The following GALNTL6 variants were observed in gnomAD, a reference collection of about 807,000 sequenced individuals.
GALNTL6 encodes polypeptide N-acetylgalactosaminyltransferase-like 6.
Under a neutral mutation model 73.7 loss-of-function variants are expected in GALNTL6, and 46 were observed. That is an observed-to-expected ratio of 0.62 (90% CI 0.49 to 0.80). GALNTL6 has a LOEUF of 0.80. Ranked by LOEUF, GALNTL6 falls within the 30% of genes least tolerant of loss-of-function variation. GALNTL6 has a pLI of 0.00. For missense variants in GALNTL6, 604 were observed against 755.0 expected, an observed-to-expected ratio of 0.80 and a Z score of 2.34; for synonymous variants, 259 against 263.7, an observed-to-expected ratio of 0.98 and a Z score of 0.17.
At chr4:171,958,467 A>T (rs749566638) in intron 2 of GALNTL6, among the ~76,000 whole-genome samples, 4 of 152,184 alleles carry the variant, frequency 2.6e-5, no homozygotes, top group Non-Finnish European at 5.9e-5. Context: ...ATCAATAAGT[A>T]TATTTTAAAA....
At chr4:172,634,113 T>C (rs1739536239) in intron 5 of GALNTL6, among the ~76,000 whole-genome samples, 1 of 152,228 alleles carries the variant, frequency 6.6e-6, no homozygotes, top group Non-Finnish European at 1.5e-5. Flanking sequence ...TTCACCTCCA[T>C]CTGTTTCCAA....
intron 5 of GALNTL6, among the ~76,000 whole-genome samples, chr4:172,396,629 T>C (rs1324401884): frequency 6.6e-6 from 1 of 152,204 alleles, no homozygotes; most frequent in Non-Finnish European, 1.5e-5. Context: ...GTTTGTGACA[T>C]CTTTGACTAC....
At chr4:173,022,152 G>C (rs1410637276) in intron 12 of GALNTL6, among the ~76,000 whole-genome samples, 1 of 137,964 alleles carries the variant, frequency 7.2e-6, no homozygotes, top group Non-Finnish European at 1.6e-5. Flanking sequence ...AAGAGAGAGA[G>C]AAGGCAGGAA....
chr4:172,349,609 T>C (rs961867723), intron 5 of GALNTL6, among the ~76,000 whole-genome samples: 1 of 152,100 alleles, frequency 6.6e-6, no homozygotes, highest in African/African-American at 2.4e-5. Context: ...TTGTGAAGTT[T>C]CTTTGACAGA....
At chr4:172,302,901 C>G (rs1226377321) in intron 3 of GALNTL6, among the ~76,000 whole-genome samples, 1 of 151,618 alleles carries the variant, frequency 6.6e-6, no homozygotes, top group African/African-American at 2.4e-5. Context: ...CATCCTTTTT[C>G]TGCTTTGTTG....
intron 5 of GALNTL6, among the ~76,000 whole-genome samples, chr4:172,542,907 G>C (rs1249747323): frequency 6.6e-6 from 1 of 151,818 alleles, no homozygotes; most frequent in Non-Finnish European, 1.5e-5. Flanking sequence ...CCTGGCCAAT[G>C]TGGTGAAACC....
At chr4:172,369,864 C>T (rs1198595859) in intron 5 of GALNTL6, among the ~76,000 whole-genome samples, 1 of 152,208 alleles carries the variant, frequency 6.6e-6, no homozygotes, top group African/African-American at 2.4e-5. Flanking sequence ...TCCACACCTC[C>T]CCACAAGCAG....
At chr4:172,549,344 C>A (rs1735879548) in intron 5 of GALNTL6, among the ~76,000 whole-genome samples, 1 of 152,166 alleles carries the variant, frequency 6.6e-6, no homozygotes, top group African/African-American at 2.4e-5. Context: ...CATTGTACTG[C>A]AAAGCAGTTT....
intron 7 of GALNTL6, among the ~76,000 whole-genome samples, chr4:172,847,914 T>G (rs1743600708): frequency 6.6e-6 from 1 of 152,116 alleles, no homozygotes; most frequent in Non-Finnish European, 1.5e-5. Context: ...TACTAACCAT[T>G]AAGTATGAGA....
intron 9 of GALNTL6, 33 bp from the exon 10 acceptor site, chr4:172,952,004 A>G: frequency 6.9e-7 from 1 of 1,447,274 alleles, no homozygotes; most frequent in Non-Finnish European, 9.2e-7. Context: ...TGAATAAACC[A>G]ATAAATGACA....
intron 2 of GALNTL6, among the ~76,000 whole-genome samples, chr4:172,144,546 G>A (rs1733879380): frequency 6.6e-6 from 1 of 152,122 alleles, no homozygotes; most frequent in African/African-American, 2.4e-5. Context: ...TATATGAGAG[G>A]GAGCTAGAAG....
chr4:172,403,062 C>T (rs916141469), intron 5 of GALNTL6, among the ~76,000 whole-genome samples: 3 of 152,014 alleles, frequency 2.0e-5, no homozygotes, highest in Admixed American at 6.6e-5. Context: ...AAATACTACT[C>T]AAAATAGAAA....
At position 172,324,358 on chromosome 4, in the gene GALNTL6, AT is replaced by A. The variant is rs201888653; in HGVS notation, c.386+12608del. Among the ~76,000 whole-genome samples the A allele has an allele frequency of 8.1e-4, 123 of 151,996 alleles. 2 individuals are homozygous for A. In the South Asian group the frequency reaches 0.016, roughly 19 times the overall value. On this transcript the variant is annotated intron_variant, in intron 4 of 12. Coordinates refer to ENST00000506823, the MANE Select transcript of GALNTL6 (RefSeq NM_001034845.3). Reference sequence around the variant, plus strand: ...TCATGTAAAGTATTTATTTTCTGATATTACTTTAAAAGGAAAAAAGAAATAA... The same window carrying A: ...TCATGTAAAGTATTTATTTTCTGATATACTTTAAAAGGAAAAAAGAAATAA...
intron 3 of GALNTL6, among the ~76,000 whole-genome samples, chr4:172,246,641 G>A (rs1476204675): frequency 6.6e-6 from 1 of 151,784 alleles, no homozygotes; most frequent in Non-Finnish European, 1.5e-5. Context: ...CAAAAATTTA[G>A]TATGGATTAC....
intron 5 of GALNTL6, among the ~76,000 whole-genome samples, chr4:172,433,868 T>C (rs1731548178): frequency 6.6e-6 from 1 of 152,172 alleles, no homozygotes; most frequent in African/African-American, 2.4e-5. Flanking sequence ...AACACATTTT[T>C]AGAAAAATTG....
In GALNTL6 at chr4:172,437,959, T is replaced by TC. The variant is rs558452431; in HGVS notation, c.553+89270_553+89271insC. Among the ~76,000 whole-genome samples, 98 of 150,868 alleles carry TC rather than the reference T, an allele frequency of 6.5e-4. 5 individuals carry two copies. In the South Asian group the frequency reaches 0.02, roughly 31 times the overall value. ...CACCTTGTTTCCCTTCCTCCTCCATTGTTAAAAGAACCATTTTCACTCCTT... is the reference window on the plus strand; with the variant it reads ...CACCTTGTTTCCCTTCCTCCTCCATTCGTTAAAAGAACCATTTTCACTCCTT... On this transcript the variant is annotated intron_variant, in intron 5 of 12. Coordinates refer to ENST00000506823, the MANE Select transcript of GALNTL6 (RefSeq NM_001034845.3).
At chr4:172,875,513 A>G (rs1745149273) in intron 7 of GALNTL6, among the ~76,000 whole-genome samples, 1 of 152,206 alleles carries the variant, frequency 6.6e-6, no homozygotes, top group Non-Finnish European at 1.5e-5. Context: ...GTCCCCAGAC[A>G]TCTTTGAGGA....
At chr4:172,424,559 T>C (rs188567599) in intron 5 of GALNTL6, among the ~76,000 whole-genome samples, 35 of 152,268 alleles carry the variant, frequency 2.3e-4, no homozygotes, top group African/African-American at 8.4e-4. Flanking sequence ...TTCTAACTCA[T>C]GTAACAACCA....
chr4:172,077,387 C>G (rs555050209), intron 2 of GALNTL6, among the ~76,000 whole-genome samples: 2 of 151,968 alleles, frequency 1.3e-5, no homozygotes, highest in East Asian at 3.9e-4. Context: ...GAAGTACAGG[C>G]TGAGGTGATC....
Sources: gnomAD v4.1 joint callset for allele counts (sites outside exome capture counted in the v4.1 genomes callset) on GRCh38, gnomAD v4.1.1 for gene constraint, MANE v1.5 for transcripts, NCBI Gene and HGNC (gene_info 2026-07-23, HGNC 2026-07-21) for gene names.